The following CDCA7 variants were observed in gnomAD, a reference collection of about 807,000 sequenced individuals.
The protein encoded by CDCA7 is cell division cycle-associated protein 7.
CDCA7 carries 28 observed loss-of-function variants against 54.0 expected under a neutral mutation model. The observed-to-expected ratio is 0.52, with a 90% CI of 0.38 to 0.71. The LOEUF (loss-of-function observed/expected upper bound fraction) is 0.71, where lower values mean the gene tolerates loss of function less well. Among genes scored for constraint, CDCA7 ranks in the 30% least tolerant of loss-of-function variants. CDCA7 has a pLI of 0.00. For synonymous variants in CDCA7, 180 were observed against 208.2 expected, an observed-to-expected ratio of 0.86 and a Z score of 1.16; for missense variants, 484 against 586.0, an observed-to-expected ratio of 0.83 and a Z score of 1.80.
At position 173,359,464 on chromosome 2, in the gene CDCA7, C is replaced by G. The variant is rs2106388692; in HGVS notation, c.357C>G (p.Phe119Leu). 3.1e-6 allele frequency: 5 copies of G among 1,614,114 alleles called. No individual in the cohort carries two copies. Among genetic ancestry groups the G allele is most frequent in the Non-Finnish European group, 4.2e-6 (5 of 1,180,030 alleles). Reference sequence around the variant, plus strand: ...CTGACGATGAATCATTTTGCGGTTTCTCAGAGAGTGAGATACAAGATGGAA... The same window carrying G: ...CTGACGATGAATCATTTTGCGGTTTGTCAGAGAGTGAGATACAAGATGGAA... ...ADSDDESFCGFSESEIQDGMR... is the reference protein window; with the variant it reads ...ADSDDESFCGLSESEIQDGMR... The change falls in exon 3 of 10, where the codon TTC (phenylalanine) becomes TTG (leucine). Residue 119 changes from phenylalanine to leucine, a missense_variant. Around this residue, in one of 3 missense-constraint regions of CDCA7, gnomAD observed 398 missense variants for 447.4 expected, o/e 0.89. Coordinates refer to ENST00000306721, the MANE Select transcript of CDCA7 (RefSeq NM_031942.5).
rs1458534466 is a variant in CDCA7 at position 173,354,971 on chromosome 2, C to T, written c.8C>T (p.Ala3Val). The change falls in exon 1 of 10, where the codon GCT (alanine) becomes GTT (valine). Residue 3 changes from alanine to valine, a missense_variant. By Grantham distance (64) the Ala-to-Val change is moderately conservative. Around this residue, in one of 3 missense-constraint regions of CDCA7, gnomAD observed 398 missense variants for 447.4 expected, o/e 0.89. Coordinates refer to ENST00000306721, the MANE Select transcript of CDCA7 (RefSeq NM_031942.5). ...TGGGCACCCGCCACCAGCATGGACGCTCGCCGCGTGCCGGTGAGGGCTGGG... is the reference window on the plus strand; with the variant it reads ...TGGGCACCCGCCACCAGCATGGACGTTCGCCGCGTGCCGGTGAGGGCTGGG... MD[A>V]RRVPQKDLRV... The T allele has an allele frequency of 2.1e-6, 3 of 1,449,388 alleles. No individual in the cohort carries two copies. The highest frequency in any genetic ancestry group is 2.7e-6 in the Non-Finnish European group (3 of 1,109,070). 89.8% of individuals were successfully genotyped at this position (1,449,388 alleles called of 1,614,324 possible).
In CDCA7 at chr2:173,368,681, T is replaced by A. The variant is rs927298218; in HGVS notation, c.*1017T>A. 1 of 152,172 alleles carries A rather than the reference T, an allele frequency of 6.6e-6. No homozygotes were observed. Among genetic ancestry groups the A allele is most frequent in the Non-Finnish European group, 1.5e-5 (1 of 68,036 alleles). The allele number at this position is 152,172 out of a possible 1,614,324, so 9.4% of individuals were successfully genotyped here. A position where few individuals can be genotyped will look rare whatever the true frequency, so the allele number is the denominator to read the frequency against. Reference sequence around the variant, plus strand: ...TCTGCCAGTCTAGTTTCTGGGCAGGTTTCCTGTGTCAGTATTCCCCCTCCT... The same window carrying A: ...TCTGCCAGTCTAGTTTCTGGGCAGGATTCCTGTGTCAGTATTCCCCCTCCT... On this transcript the variant is annotated 3_prime_UTR_variant, in exon 10 of 10. Transcript: ENST00000306721.
chr2:173,358,788 C>A lies in CDCA7; in HGVS notation c.98C>A (p.Ser33Tyr). ...TTGATTTCCATGGAAACCTCGTCAT[C>A]CTCTGATGACAGTTGTGACAGCTTT... The part of the protein sequence containing the change: ...VKLISMETSS[S>Y]SDDSCDSFAS... Residue 33 changes from serine to tyrosine, a missense_variant, in exon 2 of 10, where the codon TCC (serine) becomes TAC (tyrosine). This residue lies in a region of CDCA7 where 398 missense variants were observed against 447.4 expected (regional missense o/e 0.89). Coordinates refer to ENST00000306721, the MANE Select transcript of CDCA7 (RefSeq NM_031942.5). 6.2e-7 allele frequency: 1 copy of A among 1,613,938 alleles called. No homozygotes were observed. Among genetic ancestry groups the A allele is most frequent in the South Asian group, 1.1e-5 (1 of 91,016 alleles).
chr2:173,366,246 G>A lies in CDCA7; in HGVS notation c.1036-37G>A. 1 of 1,471,806 alleles carries A rather than the reference G, an allele frequency of 6.8e-7. No homozygotes were observed. Among genetic ancestry groups the A allele is most frequent in the Non-Finnish European group, 9.0e-7 (1 of 1,113,712 alleles). The allele number at this position is 1,471,806 out of a possible 1,614,324, so 91.2% of individuals were successfully genotyped here. ...CCATTTCCTCTGTTGAAAAACAGTGGTTTTTTTTGTTTTTTTTCTTAATGG... is the reference window on the plus strand; with the variant it reads ...CCATTTCCTCTGTTGAAAAACAGTGATTTTTTTTGTTTTTTTTCTTAATGG... On this transcript the variant is annotated intron_variant, in intron 7 of 9. Coordinates refer to ENST00000306721, the MANE Select transcript of CDCA7 (RefSeq NM_031942.5). This position sits in a 1 kb window ranked among gnomAD's most constrained non-coding sequence, Gnocchi z 4.5.
Position 173,363,862 on chromosome 2 carries a change from C to T in CDCA7, c.666C>T (p.Phe222=). ...MSELESFPGS[F]RGRHPLPGSD... is the part of the protein sequence containing the mutation. ...AATTAGAAAGCTTCCCTGGCTCGTT[C>T]CGTGGAAGACATCCCCTCCCAGGCT... Residue 222 remains phenylalanine (F), a synonymous_variant, in exon 5 of 10, where the codon TTC becomes TTT. Transcript: ENST00000306721. 6.2e-7 allele frequency: 1 copy of T among 1,614,220 alleles called. No homozygotes were observed. Among genetic ancestry groups the T allele is most frequent in the Non-Finnish European group, 8.5e-7 (1 of 1,180,032 alleles).
In CDCA7 at chr2:173,364,902, C is replaced by T; in HGVS notation, c.807C>T (p.Ser269=). ...GGTCAAGGTCCCGGATCCTCGGGTCCCTTGACGCTCTACCCATGGAGGAGG... is the reference window on the plus strand; with the variant it reads ...GGTCAAGGTCCCGGATCCTCGGGTCTCTTGACGCTCTACCCATGGAGGAGG... The part of the protein sequence containing the change: ...LTRSRSRILG[S]LDALPMEEEE... Residue 269 remains serine (S), a synonymous_variant, in exon 6 of 10, where the codon TCC becomes TCT. Transcript: ENST00000306721. 6.2e-7 allele frequency: 1 copy of T among 1,609,628 alleles called. No individual in the cohort carries two copies. Among genetic ancestry groups the T allele is most frequent in the Non-Finnish European group, 8.5e-7 (1 of 1,178,508 alleles).
rs1036633405 is a variant in CDCA7, at chr2:173,368,702, C to G, written c.*1038C>G. On this transcript the variant is annotated 3_prime_UTR_variant, in exon 10 of 10. Transcript: ENST00000306721. ...CAGGTTTCCTGTGTCAGTATTCCCC[C>G]TCCTCTTTGCATTAATCAAGGTATT... 6.6e-6 allele frequency: 1 copy of G among 152,204 alleles called. No homozygotes were observed. The highest frequency in any genetic ancestry group is 1.5e-5 in the Non-Finnish European group (1 of 68,042). The allele number at this position is 152,204 out of a possible 1,614,324, so 9.4% of individuals were successfully genotyped here.
rs780814022 is a variant in CDCA7 at position 173,363,352 on chromosome 2, C to A, written c.511C>A (p.Arg171Ser). 2 of 1,614,068 alleles carry A rather than the reference C, an allele frequency of 1.2e-6. No homozygotes were observed. The highest frequency in any genetic ancestry group is 1.7e-6 in the Non-Finnish European group (2 of 1,180,014). The change falls in exon 4 of 10, where the codon CGC becomes AGC. Residue 171 changes from arginine (R) to serine (S), a missense_variant. Coordinates refer to ENST00000306721, the MANE Select transcript of CDCA7 (RefSeq NM_031942.5). ...RGATNKKAES[R>S]QPSENSVTDS... ...AGCAACCAACAAAAAAGCAGAGTCCCGCCAGCCCTCAGAGAATTCTGTGAC... is the reference window on the plus strand; with the variant it reads ...AGCAACCAACAAAAAAGCAGAGTCCAGCCAGCCCTCAGAGAATTCTGTGAC...
chr2:173,362,151 C>A (rs1574218012), intron 3 of CDCA7, among the ~76,000 whole-genome samples: 1 of 152,242 alleles, frequency 6.6e-6, no homozygotes, highest in East Asian at 1.9e-4. Flanking sequence ...TACCCTATGG[C>A]TAATTTGGAT....
chr2:173,367,028 T>G (rs1424063016), intron 8 of CDCA7, 122 bp from the exon 9 acceptor site: 1 of 1,364,210 alleles, frequency 7.3e-7, no homozygotes, highest in African/African-American at 1.5e-5. Context: ...ACATTAGGCA[T>G]GACTAATGCC....
rs187000392 is a variant in CDCA7 at position 173,366,600 on chromosome 2, G to A, written c.1185+168G>A. ...TGTCGCCAGGCTGCAGTGCAGTGGC[G>A]CGATCTCAGCTCACTGCAACCTCCT... On this transcript the variant is annotated intron_variant, in intron 8 of 9. Transcript: ENST00000306721. This position sits in a 1 kb window ranked among gnomAD's most constrained non-coding sequence, Gnocchi z 4.5. Among the ~76,000 whole-genome samples the A allele has an allele frequency of 1.6e-4, 24 of 152,162 alleles. No individual in the cohort carries two copies. Among genetic ancestry groups the A allele is most frequent in the Admixed American group, 3.3e-4 (5 of 15,292 alleles).
intron 1 of CDCA7, chr2:173,358,477 C>A: frequency 6.1e-6 from 2 of 330,074 alleles, no homozygotes; most frequent in East Asian, 5.9e-5. Flanking sequence ...TTGTAGTAAG[C>A]TATGATCTCA....
chr2:173,367,062 C>T, intron 8 of CDCA7, 88 bp from the exon 9 acceptor site: 1 of 1,490,874 alleles, frequency 6.7e-7, no homozygotes, highest in Non-Finnish European at 9.0e-7. Context: ...AATTTTTAAC[C>T]ATAAAGAAGG....
Position 173,363,399 on chromosome 2 carries a change from A to G in CDCA7, c.558A>G (p.Glu186=), listed in dbSNP as rs1392864460. Residue 186 remains glutamate, a synonymous_variant, in exon 4 of 10, where the codon GAA becomes GAG. Coordinates refer to ENST00000306721, the MANE Select transcript of CDCA7 (RefSeq NM_031942.5). ...TGACTGATTCCAACTCCGATTCAGA[A>G]GATGAAAGTGGAATGAATTTTTTGG... ...NSVTDSNSDS[E]DESGMNFLEK... 11 of 1,614,234 alleles carry G rather than the reference A, an allele frequency of 6.8e-6. No homozygotes were observed. The highest frequency in any genetic ancestry group is 1.7e-5 in the Admixed American group (1 of 60,024).
chr2:173,356,624 C>T (rs1416128580), intron 1 of CDCA7, among the ~76,000 whole-genome samples: 1 of 152,200 alleles, frequency 6.6e-6, no homozygotes, highest in Non-Finnish European at 1.5e-5. Context: ...CCCACCTCAG[C>T]CTCCCAAGTA....
At position 173,366,984 on chromosome 2, in the gene CDCA7, TC is replaced by T. The variant is rs1276078262; in HGVS notation, c.1186-164del. Among the ~76,000 whole-genome samples, 2 of 152,218 alleles carry T rather than the reference TC, an allele frequency of 1.3e-5. No homozygotes were observed. Among genetic ancestry groups the T allele is most frequent in the Non-Finnish European group, 2.9e-5 (2 of 68,038 alleles). ...TTATCCCTGGTAGCTGCTTGTAACT[TC>T]CACTCCTGGAAGGAAGCATTAGGCA... On this transcript the variant is annotated intron_variant, in intron 8 of 9. Transcript: ENST00000306721. This position sits in a 1 kb window ranked among gnomAD's most constrained non-coding sequence, Gnocchi z 4.5.
chr2:173,365,813 T>C (rs1433532896), intron 7 of CDCA7, among the ~76,000 whole-genome samples: 3 of 152,226 alleles, frequency 2.0e-5, no homozygotes, highest in African/African-American at 4.8e-5. Context: ...TGGTAAATCT[T>C]TTCTCCTAAT....
Position 173,367,664 on chromosome 2 carries a change from A to G in CDCA7, c.1353A>G (p.Ter451=). The G allele has an allele frequency of 6.2e-6, 10 of 1,614,118 alleles. No individual in the cohort carries two copies. Among genetic ancestry groups the G allele is most frequent in the South Asian group, 1.1e-5 (1 of 91,070 alleles). The stretch of plus-strand genomic sequence containing the variant: ...AACAGGAATTTGAAATGCAAGCATA[A>G]TATCTGGAAAATTTGCTGCCTGCCT... The part of the protein sequence containing the change: ...SLKQEFEMQA[*] The change falls in exon 10 of 10, where the codon TAA becomes TAG. Residue 451 remains the stop codon, a stop_retained_variant. Transcript: ENST00000306721.
At chr2:173,357,192 C>G (rs1686523258) in intron 1 of CDCA7, among the ~76,000 whole-genome samples, 1 of 152,186 alleles carries the variant, frequency 6.6e-6, no homozygotes, top group Admixed American at 6.5e-5. Context: ...AATGACAAAC[C>G]ACTATCCTTT....
Sources: allele counts gnomAD v4.1 joint callset (sites outside exome capture counted in the v4.1 genomes callset), GRCh38; gene constraint gnomAD v4.1.1; regional missense constraint gnomAD v4.1.1; non-coding constraint Gnocchi (gnomAD v3.1); transcripts MANE v1.5; gene names NCBI Gene and HGNC (gene_info 2026-07-23, HGNC 2026-07-21).